The following AR variants were observed in gnomAD, a reference collection of about 807,000 sequenced individuals.
The protein encoded by AR is dihydrotestosterone receptor.
A neutral mutation model predicts 53.9 loss-of-function variants in AR; 8 were observed. The ratio of observed to expected loss-of-function variants is 0.15; its 90% CI spans 0.09 to 0.27. AR has a LOEUF of 0.27. Among genes scored for constraint, AR ranks in the 10% least tolerant of loss-of-function variants. The probability of loss-of-function intolerance (pLI) is 1.00; values close to 1 mark genes in which losing one functional copy is unlikely to be tolerated. For synonymous variants in AR, 359 were observed against 316.4 expected, an observed-to-expected ratio of 1.13 and a Z score of -1.43; for missense variants, 639 against 742.5, an observed-to-expected ratio of 0.86 and a Z score of 1.62.
intron 1 of AR, among the ~76,000 whole-genome samples, chrX:67,635,337 T>A (rs775909578): frequency 1.6e-4 from 18 of 111,330 alleles, no homozygotes; most frequent in African/African-American, 5.5e-4. Flanking sequence ...CACCCAAAGT[T>A]CAGTGGTAGA....
Position 67,577,789 on chromosome X carries a change from G to T in AR, c.1616+31027G>T, listed in dbSNP as rs975672421. ...CTTATTGGCCGTTTGTATATTTTTT[G>T]ATCCTTTGCTCATTTCCAAATTGGG... On this transcript the variant is annotated intron_variant, in intron 1 of 7. Coordinates refer to ENST00000374690, the MANE Select transcript of AR (RefSeq NM_000044.6). Among the ~76,000 whole-genome samples the T allele has an allele frequency of 7.1e-4, 79 of 111,079 alleles. 1 individual carries two copies. The highest frequency in any genetic ancestry group is 2.6e-3 in the African/African-American group (79 of 30,566).
chrX:67,554,633 G>A (rs150825788), intron 1 of AR, among the ~76,000 whole-genome samples: 111 of 111,400 alleles, frequency 1.0e-3, no homozygotes, highest in African/African-American at 3.6e-3. Context: ...CCTAATAAAG[G>A]GATTTTTTAA....
chrX:67,640,269 G>A (rs1925674722), intron 1 of AR, among the ~76,000 whole-genome samples: 1 of 111,248 alleles, frequency 9.0e-6, no homozygotes, highest in South Asian at 3.8e-4. Context: ...AGGGTTATTG[G>A]CCTGACGTTT....
intron 2 of AR, among the ~76,000 whole-genome samples, chrX:67,665,169 CAG>C (rs1257522793): frequency 8.9e-6 from 1 of 112,663 alleles, no homozygotes; most frequent in African/African-American, 3.2e-5. Flanking sequence ...CCCGGTACCT[CAG>C]TTGGAAATGC....
chrX:67,614,873 A>T (rs1332166272), intron 1 of AR, among the ~76,000 whole-genome samples: 1 of 110,949 alleles, frequency 9.0e-6, no homozygotes, highest in African/African-American at 3.3e-5. Flanking sequence ...TCAAGTAGAG[A>T]ATGCCAATAA....
chrX:67,599,253 C>T (rs1413692136), intron 1 of AR, among the ~76,000 whole-genome samples: 1 of 111,663 alleles, frequency 9.0e-6, no homozygotes, highest in Non-Finnish European at 1.9e-5. Flanking sequence ...TAAATACTTG[C>T]TCATAAGAGT....
At chrX:67,653,016 A>T (rs774555746) in intron 2 of AR, among the ~76,000 whole-genome samples, 2 of 111,862 alleles carry the variant, frequency 1.8e-5, no homozygotes, top group South Asian at 7.6e-4. Context: ...TTATAGACCC[A>T]TCCTGACTAC....
chrX:67,629,096 C>A (rs1475676610), intron 1 of AR, among the ~76,000 whole-genome samples: 4 of 111,352 alleles, frequency 3.6e-5, no homozygotes, highest in Admixed American at 9.6e-5. Context: ...GTCTAAAATT[C>A]TCTTTTTTGG....
intron 1 of AR, among the ~76,000 whole-genome samples, chrX:67,576,486 C>G (rs1163197449): frequency 9.1e-6 from 1 of 110,208 alleles, no homozygotes. Flanking sequence ...GAGTTTGTGC[C>G]TTGGGAGCTA....
chrX:67,710,297 T>C (rs1156517269), intron 3 of AR, among the ~76,000 whole-genome samples: 1 of 111,594 alleles, frequency 9.0e-6, no homozygotes, highest in African/African-American at 3.3e-5. Flanking sequence ...CTATCACTTA[T>C]ATGATAAAAT....
intron 1 of AR, among the ~76,000 whole-genome samples, chrX:67,585,258 C>CA (rs35044641): frequency 0.024 from 1,515 of 63,670 alleles, 55 homozygotes; most frequent in African/African-American, 0.098. Context: ...GTGAGACTGT[C>CA]AAAAAAAAAA....
chrX:67,550,902 CT>C (rs2147327485), intron 1 of AR, among the ~76,000 whole-genome samples: 1 of 105,099 alleles, frequency 9.5e-6, no homozygotes, highest in African/African-American at 3.5e-5. Flanking sequence ...TAAAGAATTT[CT>C]TTTTTAAAAA....
At chrX:67,603,397 G>A (rs1923471603) in intron 1 of AR, among the ~76,000 whole-genome samples, 2 of 111,513 alleles carry the variant, frequency 1.8e-5, no homozygotes, top group African/African-American at 3.3e-5. Flanking sequence ...AGTGCTTGTC[G>A]CCTTGAGATT....
intron 1 of AR, among the ~76,000 whole-genome samples, chrX:67,626,483 C>T (rs1924648629): frequency 1.1e-5 from 1 of 89,761 alleles, no homozygotes; most frequent in Non-Finnish European, 2.2e-5. Context: ...GGCTGTCTCC[C>T]AGGCTGGACT....
intron 3 of AR, chrX:67,689,695 A>G (rs1178344409): frequency 4.6e-6 from 4 of 870,668 alleles, no homozygotes; most frequent in Non-Finnish European, 4.2e-6. Flanking sequence ...TCCTGGCTGC[A>G]TTTGAAAACC....
rs145353222 is a variant in AR at position 67,672,410 on chromosome X, C to A, written c.1769-13600C>A. On this transcript the variant is annotated intron_variant, in intron 2 of 7. Coordinates refer to ENST00000374690, the MANE Select transcript of AR (RefSeq NM_000044.6). Reference sequence around the variant, plus strand: ...TGTTTTCTGGTTATTCTGTGGTCTTCTCTTCCTTTTTTCCTTCTTTCCTGT... The same window carrying A: ...TGTTTTCTGGTTATTCTGTGGTCTTATCTTCCTTTTTTCCTTCTTTCCTGT... Among the ~76,000 whole-genome samples the A allele has an allele frequency of 1.4e-3, 150 of 110,683 alleles. 1 individual carries two copies. Among genetic ancestry groups the A allele is most frequent in the African/African-American group, 4.8e-3 (145 of 30,505 alleles).
At chrX:67,634,973 A>G (rs1198185692) in intron 1 of AR, among the ~76,000 whole-genome samples, 4 of 110,402 alleles carry the variant, frequency 3.6e-5, no homozygotes, top group African/African-American at 6.6e-5. Flanking sequence ...ATATGTGTTT[A>G]CATGTTTACC....
intron 1 of AR, among the ~76,000 whole-genome samples, chrX:67,569,254 G>A (rs1464402798): frequency 9.1e-6 from 1 of 109,944 alleles, no homozygotes; most frequent in Non-Finnish European, 1.9e-5. Flanking sequence ...TTATTAAAAT[G>A]CAAAAAGCAC....
At position 67,728,443 on chromosome X, in the gene AR, G is replaced by A. The variant is rs1335030161; in HGVS notation, c.*4602G>A. The stretch of plus-strand genomic sequence containing the variant: ...GGGAGCATTTAAAGTACTAGATTTT[G>A]CACTAGAGGGACAGCAGGCAGAAAT... On this transcript the variant is annotated 3_prime_UTR_variant, in exon 8 of 8. Transcript: ENST00000374690. The A allele has an allele frequency of 4.7e-5, 7 of 150,111 alleles. No individual in the cohort carries two copies. Among genetic ancestry groups the A allele is most frequent in the Non-Finnish European group, 8.9e-5 (7 of 78,593 alleles). The allele number at this position is 150,111 out of a possible 1,213,427, so 12.4% of individuals were successfully genotyped here.
Sources: gnomAD v4.1 joint callset for allele counts (sites outside exome capture counted in the v4.1 genomes callset) on GRCh38, gnomAD v4.1.1 for gene constraint, MANE v1.5 for transcripts, NCBI Gene and HGNC (gene_info 2026-07-23, HGNC 2026-07-21) for gene names.